Variants in GNA14 observed in about 807,000 individuals in gnomAD.
GNA14 encodes the protein guanine nucleotide-binding protein subunit alpha-14.
A neutral mutation model predicts 42.0 loss-of-function variants in GNA14; 50 were observed. The ratio of observed to expected loss-of-function variants is 1.19; its 90% CI spans 0.95 to 1.51. The LOEUF (loss-of-function observed/expected upper bound fraction) is 1.51, where lower values mean the gene tolerates loss of function less well. GNA14 is among the 40% of genes most tolerant of loss of function. The pLI is 0.00. For missense variants in GNA14, 473 were observed against 446.2 expected (o/e 1.06, Z -0.54); for synonymous variants, 173 against 163.1 (o/e 1.06, Z -0.46).
chr9:77,440,719 T>C lies in GNA14; in HGVS notation c.310-6197A>G, dbSNP rs1056884305. Among the ~76,000 whole-genome samples the C allele has an allele frequency of 3.3e-5, 5 of 152,220 alleles. 1 individual carries two copies. The highest frequency in any genetic ancestry group is 6.8e-3 in the Middle Eastern group (2 of 294). On this transcript the variant is annotated intron_variant, in intron 2 of 6. Coordinates refer to ENST00000341700, the MANE Select transcript of GNA14 (RefSeq NM_004297.4). ...TACTCCCTTAGCAATTTCCTTTGTT[T>C]CTTTTTTCTTTTTTTGAGATGCAGT...
At chr9:77,465,177 TC>T (rs1263706960) in intron 2 of GNA14, among the ~76,000 whole-genome samples, 5 of 152,124 alleles carry the variant, frequency 3.3e-5, no homozygotes, top group African/African-American at 4.8e-5. Flanking sequence ...CCCCATTTAC[TC>T]CCCCTTTTCC....
At chr9:77,552,126 C>CAAAAAAAAAA (rs34493872) in intron 1 of GNA14, among the ~76,000 whole-genome samples, 44 of 84,942 alleles carry the variant, frequency 5.2e-4, no homozygotes, top group Non-Finnish European at 6.3e-4. Context: ...AACTCCATCT[C>CAAAAAAAAAA]AAAAAAAAAA....
rs559565903 is a variant in GNA14, at chr9:77,522,074, C to T, written c.309+6995G>A. Reference sequence around the variant, plus strand: ...CTGGTCTCGAATTCCTGACCTCAGGCGATCTTCCTGCCTCGGCCCCCCAAA... The same window carrying T: ...CTGGTCTCGAATTCCTGACCTCAGGTGATCTTCCTGCCTCGGCCCCCCAAA... On this transcript the variant is annotated intron_variant, in intron 2 of 6. Coordinates refer to ENST00000341700, the MANE Select transcript of GNA14 (RefSeq NM_004297.4). 1.1e-4 allele frequency among the ~76,000 whole-genome samples: 16 copies of T among 152,258 alleles called. No individual in the cohort carries two copies. The South Asian group carries it at 2.7e-3, about 26-fold the overall frequency.
intron 2 of GNA14, among the ~76,000 whole-genome samples, chr9:77,514,651 TC>T (rs1837220567): frequency 6.9e-6 from 1 of 145,174 alleles, no homozygotes; most frequent in Non-Finnish European, 1.5e-5. Context: ...TCTCACTCTG[TC>T]CCCCAGGCTA....
rs1302454821 is a variant in GNA14, at chr9:77,529,227, A to G, written c.151T>C (p.Phe51Leu). Residue 51 changes from phenylalanine (F) to leucine (L), a missense_variant, in exon 2 of 7, where the codon TTT becomes CTT. Physicochemically the swap from Phe to Leu is conservative, Grantham distance 22. Coordinates refer to ENST00000341700, the MANE Select transcript of GNA14 (RefSeq NM_004297.4). Reference sequence around the variant, plus strand: ...TGGATAATTCTCATCTGCTTGATAAAGGTGCTTTTCCCACTTTCACCAGTT... The same window carrying G: ...TGGATAATTCTCATCTGCTTGATAAGGGTGCTTTTCCCACTTTCACCAGTT... Reference protein sequence around the residue: ...LGTGESGKSTFIKQMRIIHGS... With the variant: ...LGTGESGKSTLIKQMRIIHGS... 1 of 1,613,992 alleles carries G rather than the reference A, an allele frequency of 6.2e-7. No homozygotes were observed. The highest frequency in any genetic ancestry group is 8.5e-7 in the Non-Finnish European group (1 of 1,179,986).
At chr9:77,561,803 G>A (rs1202285252) in intron 1 of GNA14, among the ~76,000 whole-genome samples, 1 of 152,156 alleles carries the variant, frequency 6.6e-6, no homozygotes, top group Non-Finnish European at 1.5e-5. Context: ...GCAAAACCTA[G>A]GAAGCTAGAA....
At chr9:77,475,317 C>T (rs962958769) in intron 2 of GNA14, among the ~76,000 whole-genome samples, 1 of 152,114 alleles carries the variant, frequency 6.6e-6, no homozygotes, top group African/African-American at 2.4e-5. Context: ...TATATAATGA[C>T]AAGCAGAAAT....
intron 1 of GNA14, among the ~76,000 whole-genome samples, chr9:77,638,640 T>A (rs1253658278): frequency 6.6e-6 from 1 of 152,214 alleles, no homozygotes; most frequent in Non-Finnish European, 1.5e-5. Context: ...CCTGTGTACA[T>A]TCCGAGAGGT....
chr9:77,523,320 C>A (rs1837386399), intron 2 of GNA14, among the ~76,000 whole-genome samples: 1 of 152,192 alleles, frequency 6.6e-6, no homozygotes, highest in Non-Finnish European at 1.5e-5. Flanking sequence ...AACTTACAAT[C>A]ATGGCCGAAG....
At chr9:77,457,823 A>G (rs1336252139) in intron 2 of GNA14, among the ~76,000 whole-genome samples, 2 of 152,180 alleles carry the variant, frequency 1.3e-5, no homozygotes, top group African/African-American at 4.8e-5. Flanking sequence ...AGATTTTTAA[A>G]TAAAAAGGTC....
chr9:77,562,545 C>G (rs983654984), intron 1 of GNA14, among the ~76,000 whole-genome samples: 1 of 152,062 alleles, frequency 6.6e-6, no homozygotes, highest in Non-Finnish European at 1.5e-5. Context: ...ATTCAGTAAT[C>G]TATGTGGTAA....
chr9:77,464,377 G>GTGTGTGTGTGTGTGTGTGTGTGTA (rs1836181781), intron 2 of GNA14, among the ~76,000 whole-genome samples: 1 of 150,414 alleles, frequency 6.6e-6, no homozygotes, highest in African/African-American at 2.5e-5. Context: ...GTGTGTGTGT[G>GTGTGTGTGTGTGTGTGTGTGTGTA]TGTGTGTGTG....
At chr9:77,606,347 A>C (rs1367114773) in intron 1 of GNA14, among the ~76,000 whole-genome samples, 2 of 152,216 alleles carry the variant, frequency 1.3e-5, no homozygotes, top group Non-Finnish European at 2.9e-5. Context: ...AAATCTCCTT[A>C]AAGTCAAGCA....
intron 5 of GNA14, among the ~76,000 whole-genome samples, chr9:77,425,981 C>T (rs10491839): frequency 5.3e-5 from 8 of 151,940 alleles, no homozygotes; most frequent in Non-Finnish European, 7.4e-5. Flanking sequence ...TCACATGGAA[C>T]GAAGTAAGAA....
At chr9:77,563,926 C>T (rs1015437496) in intron 1 of GNA14, among the ~76,000 whole-genome samples, 1 of 152,154 alleles carries the variant, frequency 6.6e-6, no homozygotes, top group Non-Finnish European at 1.5e-5. Context: ...GCTCTCTTGA[C>T]TAAACTTGTC....
chr9:77,527,496 T>A (rs1027267016), intron 2 of GNA14, among the ~76,000 whole-genome samples: 1 of 152,036 alleles, frequency 6.6e-6, no homozygotes, highest in African/African-American at 2.4e-5. Flanking sequence ...TTTTTTGCAA[T>A]TTTTTTTAAG....
Position 77,585,007 on chromosome 9 carries a change from C to T in GNA14, c.125-55754G>A, listed in dbSNP as rs2117869496. On this transcript the variant is annotated intron_variant, in intron 1 of 6. Transcript: ENST00000341700. ...CTGCAACTTGTTTTATCAGCAAGGT[C>T]TTTATGACCTGTATCTTGTGCCAAT... Among the ~76,000 whole-genome samples the T allele has an allele frequency of 2.0e-5, 3 of 152,238 alleles. No individual in the cohort carries two copies. The South Asian group carries it at 6.2e-4, about 32-fold the overall frequency.
chr9:77,434,274 C>T (rs578160770), intron 3 of GNA14, 94 bp downstream of exon 3: 5 of 1,181,638 alleles, frequency 4.2e-6, no homozygotes, highest in East Asian at 2.4e-5. Flanking sequence ...CACTGTGCAC[C>T]GCATTTCAGC....
At chr9:77,571,279 T>G (rs2131796370) in intron 1 of GNA14, among the ~76,000 whole-genome samples, 1 of 152,338 alleles carries the variant, frequency 6.6e-6, no homozygotes, top group South Asian at 2.1e-4. Flanking sequence ...AGATAAGTTC[T>G]CAATAAGAGG....
Sources: allele counts gnomAD v4.1 joint callset (sites outside exome capture counted in the v4.1 genomes callset), GRCh38; gene constraint gnomAD v4.1.1; transcripts MANE v1.5; gene names NCBI Gene and HGNC (gene_info 2026-07-23, HGNC 2026-07-21).